TUSC3: variants seen among roughly 807,000 people sequenced by gnomAD.
TUSC3 encodes dolichyl-diphosphooligosaccharide--protein glycosyltransferase subunit TUSC3.
A neutral mutation model predicts 44.8 loss-of-function variants in TUSC3; 45 were observed. The ratio of observed to expected loss-of-function variants is 1.00; its 90% CI spans 0.79 to 1.29. The LOEUF is 1.29. TUSC3 is among the 50% of genes most tolerant of loss of function. The pLI is 0.00. For missense variants in TUSC3, 519 were observed against 437.9 expected (o/e 1.19, Z -1.65); for synonymous variants, 212 against 152.9 (o/e 1.39, Z -2.85).
chr8:15,487,899 ATTTTT>A (rs11307186), intron 2 of TUSC3, among the ~76,000 whole-genome samples: 1 of 138,370 alleles, frequency 7.2e-6, no homozygotes, highest in East Asian at 2.1e-4. Context: ...TGTGCTGGCA[ATTTTT>A]TTTTTTTTTT....
intron 1 of TUSC3, among the ~76,000 whole-genome samples, chr8:15,596,619 T>C (rs1316094361): frequency 1.3e-5 from 2 of 151,714 alleles, no homozygotes; most frequent in African/African-American, 4.8e-5. Context: ...TTTTTAACAC[T>C]ATTATTATGT....
At chr8:15,505,997 C>T (rs1327910960) in intron 2 of TUSC3, among the ~76,000 whole-genome samples, 1 of 152,144 alleles carries the variant, frequency 6.6e-6, no homozygotes, top group Non-Finnish European at 1.5e-5. Context: ...CTCTTGATCC[C>T]TGTTCACAGC....
chr8:15,773,743 A>G, the TUSC3 span, among the ~76,000 whole-genome samples: 2 of 152,198 alleles, frequency 1.3e-5, no homozygotes, highest in African/African-American at 4.8e-5. Flanking sequence ...GTAAGGATAA[A>G]CATATAGATT....
chr8:15,845,303 A>T, the TUSC3 span, among the ~76,000 whole-genome samples: 4 of 152,048 alleles, frequency 2.6e-5, no homozygotes, highest in Non-Finnish European at 5.9e-5. Context: ...CAAAGTGAGG[A>T]GTTTTGATTT....
intron 2 of TUSC3, among the ~76,000 whole-genome samples, chr8:15,486,690 G>T (rs2129125362): frequency 6.6e-6 from 1 of 152,134 alleles, no homozygotes. Context: ...TGATTCACCT[G>T]CCTCCGCCTC....
the TUSC3 span, among the ~76,000 whole-genome samples, chr8:15,813,615 G>A: frequency 6.6e-6 from 1 of 152,126 alleles, no homozygotes; most frequent in Non-Finnish European, 1.5e-5. Context: ...GAATGTATAT[G>A]ATTCTAAGAA....
chr8:15,468,977 T>C (rs1315172402), intron 1 of TUSC3, among the ~76,000 whole-genome samples: 2 of 146,562 alleles, frequency 1.4e-5, no homozygotes, highest in Non-Finnish European at 3.0e-5. Flanking sequence ...AGAGAAGATT[T>C]GACCCTGAAG....
chr8:15,469,689 T>G (rs1275077014), intron 1 of TUSC3, among the ~76,000 whole-genome samples: 1 of 152,236 alleles, frequency 6.6e-6, no homozygotes, highest in African/African-American at 2.4e-5. Context: ...TAGAAAAACC[T>G]GCACACAGAT....
chr8:15,465,349 C>G (rs1431644179), intron 1 of TUSC3, among the ~76,000 whole-genome samples: 1 of 152,108 alleles, frequency 6.6e-6, no homozygotes, highest in Non-Finnish European at 1.5e-5. Flanking sequence ...TCAAATTTAG[C>G]ACAAAGTAGG....
intron 1 of TUSC3, among the ~76,000 whole-genome samples, chr8:15,468,516 T>C (rs993152473): frequency 7.9e-5 from 12 of 152,308 alleles, no homozygotes; most frequent in Admixed American, 7.8e-4. Context: ...TGTTTCCCTC[T>C]TCACTCTGTC....
chr8:15,587,374 C>T (rs1400089332), intron 1 of TUSC3, among the ~76,000 whole-genome samples: 2 of 152,080 alleles, frequency 1.3e-5, no homozygotes, highest in Non-Finnish European at 2.9e-5. Flanking sequence ...GTTACTGCTT[C>T]TGTCTTTTAC....
intron 1 of TUSC3, among the ~76,000 whole-genome samples, chr8:15,418,419 T>C (rs945884963): frequency 3.9e-5 from 6 of 152,216 alleles, no homozygotes; most frequent in African/African-American, 1.4e-4. Context: ...TTTACAAGTA[T>C]TTACTTCAAA....
At chr8:15,541,823 G>T (rs1801701833) in intron 1 of TUSC3, among the ~76,000 whole-genome samples, 1 of 106,776 alleles carries the variant, frequency 9.4e-6, no homozygotes, top group Admixed American at 8.8e-5. Flanking sequence ...AAAGGTAGAA[G>T]AGTGAAGAAA....
chr8:15,446,074 C>T (rs1800093434), intron 1 of TUSC3, among the ~76,000 whole-genome samples: 1 of 150,828 alleles, frequency 6.6e-6, no homozygotes, highest in Non-Finnish European at 1.5e-5. Flanking sequence ...AGAGACGCTC[C>T]TCACCTCCCA....
the TUSC3 span, among the ~76,000 whole-genome samples, chr8:15,850,800 T>C: frequency 2.0e-5 from 3 of 152,210 alleles, no homozygotes; most frequent in East Asian, 1.9e-4. Flanking sequence ...GTGTGCTATA[T>C]ATTGTGAACA....
At chr8:15,619,399 C>T (rs1221135947) in intron 1 of TUSC3, among the ~76,000 whole-genome samples, 4 of 152,130 alleles carry the variant, frequency 2.6e-5, no homozygotes, top group Non-Finnish European at 4.4e-5. Flanking sequence ...TGCTCTTCCT[C>T]GTTTACCCTA....
At chr8:15,608,866 A>G (rs1288366879) in intron 1 of TUSC3, among the ~76,000 whole-genome samples, 1 of 152,136 alleles carries the variant, frequency 6.6e-6, no homozygotes, top group Non-Finnish European at 1.5e-5. Context: ...CAGTGCAAAA[A>G]CTGACTAATA....
intron 6 of TUSC3, among the ~76,000 whole-genome samples, chr8:15,684,860 C>G (rs1440951103): frequency 6.6e-6 from 1 of 152,138 alleles, no homozygotes; most frequent in East Asian, 1.9e-4. Context: ...GCTCCTAGAC[C>G]TCCAGCAAAA....
intron 1 of TUSC3, among the ~76,000 whole-genome samples, chr8:15,616,423 C>G (rs973477520): frequency 6.6e-6 from 1 of 151,874 alleles, no homozygotes; most frequent in Non-Finnish European, 1.5e-5. Context: ...ACTAAAAATA[C>G]AAAAATTAGC....
Sources: allele counts gnomAD v4.1 joint callset (sites outside exome capture counted in the v4.1 genomes callset), GRCh38; gene constraint gnomAD v4.1.1; transcripts MANE v1.5; gene names NCBI Gene and HGNC (gene_info 2026-07-23, HGNC 2026-07-21).